CWF19L2: variants seen among roughly 807,000 people sequenced by gnomAD.
CWF19L2 encodes the protein CWF19-like protein 2.
In CWF19L2, 98 loss-of-function variants were observed where a neutral mutation model predicts 111.7. The ratio of observed to expected loss-of-function variants is 0.88; its 90% CI spans 0.75 to 1.04. CWF19L2 has a LOEUF of 1.04. Among genes scored for constraint, CWF19L2 ranks in the 50% least tolerant of loss-of-function variants. The pLI, the probability that CWF19L2 is intolerant of heterozygous loss-of-function variation, is 0.00. For synonymous variants in CWF19L2, 351 were observed against 342.9 expected, an observed-to-expected ratio of 1.02 and a Z score of -0.26; for missense variants, 1,101 against 1,051.4, an observed-to-expected ratio of 1.05 and a Z score of -0.65.
chr11:107,445,440 C>A (rs914172048), intron 3 of CWF19L2, among the ~76,000 whole-genome samples: 8 of 152,196 alleles, frequency 5.3e-5, no homozygotes, highest in Admixed American at 5.2e-4. Flanking sequence ...CCCATCTCTA[C>A]TAAAAATACA....
At chr11:107,401,254 T>C (rs564596692) in intron 10 of CWF19L2, among the ~76,000 whole-genome samples, 3 of 152,248 alleles carry the variant, frequency 2.0e-5, no homozygotes, top group South Asian at 4.1e-4. Flanking sequence ...GGCATCCAAA[T>C]TGGTAAAGAG....
chr11:107,359,636 G>A (rs764882657), intron 12 of CWF19L2, among the ~76,000 whole-genome samples: 2 of 152,126 alleles, frequency 1.3e-5, no homozygotes, highest in African/African-American at 4.8e-5. Flanking sequence ...TACAGGGCCA[G>A]GCACAGTGGT....
At chr11:107,424,174 C>T (rs188675220) in intron 8 of CWF19L2, among the ~76,000 whole-genome samples, 128 of 141,324 alleles carry the variant, frequency 9.1e-4, no homozygotes, top group East Asian at 2.0e-4. Flanking sequence ...TCTGTAGCCA[C>T]ATTTCCCTCT....
At chr11:107,372,163 T>C (rs1285015136) in intron 12 of CWF19L2, among the ~76,000 whole-genome samples, 1 of 134,228 alleles carries the variant, frequency 7.5e-6, no homozygotes, top group Non-Finnish European at 1.6e-5. Flanking sequence ...GGTGAGCCAA[T>C]CATATGAGAC....
At chr11:107,362,526 G>A (rs558925306) in intron 12 of CWF19L2, among the ~76,000 whole-genome samples, 14 of 152,122 alleles carry the variant, frequency 9.2e-5, no homozygotes, top group African/African-American at 1.7e-4. Context: ...CCTGACCCCC[G>A]AGCAGCCTAA....
chr11:107,353,461 T>A, intron 13 of CWF19L2, 63 bp downstream of exon 13: 1 of 1,219,880 alleles, frequency 8.2e-7, no homozygotes, highest in Non-Finnish European at 1.2e-6. Flanking sequence ...ATTCAAGTTA[T>A]TCTATGAAGA....
At chr11:107,449,538 C>A (rs1233004643) in intron 3 of CWF19L2, among the ~76,000 whole-genome samples, 3 of 151,832 alleles carry the variant, frequency 2.0e-5, no homozygotes, top group Non-Finnish European at 4.4e-5. Flanking sequence ...GGGTTTATAA[C>A]ATATGTAGAA....
At chr11:107,349,845 C>T (rs546950386) in intron 13 of CWF19L2, among the ~76,000 whole-genome samples, 1 of 151,878 alleles carries the variant, frequency 6.6e-6, no homozygotes, top group South Asian at 2.1e-4. Context: ...AGTAAAATCA[C>T]AAACATGTTC....
intron 12 of CWF19L2, among the ~76,000 whole-genome samples, chr11:107,376,084 T>C (rs1299103098): frequency 1.6e-5 from 2 of 127,264 alleles, no homozygotes; most frequent in Non-Finnish European, 3.3e-5. Context: ...AATCTCTGAA[T>C]AGACCAATAA....
chr11:107,331,327 T>C (rs1443070009), intron 16 of CWF19L2, among the ~76,000 whole-genome samples: 2 of 152,176 alleles, frequency 1.3e-5, no homozygotes, highest in African/African-American at 4.8e-5. Flanking sequence ...ATGAATATAC[T>C]GCCTTAGGTG....
chr11:107,329,925 A>G lies in CWF19L2; in HGVS notation c.2534T>C (p.Phe845Ser). The G allele has an allele frequency of 6.4e-7, 1 of 1,567,202 alleles. No homozygotes were observed. Among genetic ancestry groups the G allele is most frequent in the Non-Finnish European group, 8.6e-7 (1 of 1,159,990 alleles). The part of the protein sequence containing the change: ...IEDQHKFPHY[F>S]GKEIIGGMLD... ...TCAAATTTGTAAGCCTACCTTTCCA[A>G]AGTAATGAGGGAATTTGTGCTGATC... The change falls in exon 17 of 18, where the codon TTT becomes TCT. Residue 845 changes from phenylalanine to serine, a missense_variant. Phe to Ser is a radical substitution (Grantham distance 155). Coordinates refer to ENST00000282251, the MANE Select transcript of CWF19L2 (RefSeq NM_152434.3).
intron 12 of CWF19L2, among the ~76,000 whole-genome samples, chr11:107,355,979 G>A (rs914783669): frequency 4.6e-5 from 7 of 152,138 alleles, no homozygotes; most frequent in African/African-American, 1.7e-4. Context: ...GACATTCTGG[G>A]TCATAGCACA....
chr11:107,450,594 G>A (rs1241751270), intron 3 of CWF19L2, among the ~76,000 whole-genome samples: 6 of 151,660 alleles, frequency 4.0e-5, no homozygotes, highest in South Asian at 4.2e-4. Flanking sequence ...ATTGATAGGC[G>A]AGATAAAAAA....
chr11:107,454,471 ATT>A lies in CWF19L2; in HGVS notation c.316_317del (p.Asn106Ter). On this transcript the variant is annotated frameshift_variant, in exon 3 of 18. Transcript: ENST00000282251. LOFTEE classifies it high-confidence loss of function. ...TTACTGATGAGCTATCAGATGACTC[ATT>A]GTTTTTTTCATATTTCTGTTTCTTG... ...KSKKQKYEKN[N>X]ESSDSSSSSE... 1.4e-6 allele frequency: 2 copies of A among 1,447,138 alleles called. No homozygotes were observed. Among genetic ancestry groups the A allele is most frequent in the Non-Finnish European group, 1.8e-6 (2 of 1,103,788 alleles). The allele number at this position is 1,447,138 out of a possible 1,614,324, so 89.6% of individuals were successfully genotyped here.
Position 107,400,756 on chromosome 11 carries a change from T to C in CWF19L2, c.1618-7861A>G, listed in dbSNP as rs574814569. Among the ~76,000 whole-genome samples, 22 of 152,156 alleles carry C rather than the reference T, an allele frequency of 1.4e-4. No individual in the cohort carries two copies. In the East Asian group the frequency reaches 3.7e-3, roughly 25 times the overall value. On this transcript the variant is annotated intron_variant, in intron 10 of 17. Transcript: ENST00000282251. The stretch of plus-strand genomic sequence containing the variant: ...CTAATACCAAAACCAGGAAAGGACA[T>C]AGCCAAAAAAGAAAACTACAGACTG...
Position 107,334,876 on chromosome 11 carries a change from C to G in CWF19L2, c.2439+5G>C. On this transcript the variant is annotated splice_donor_5th_base_variant and intron_variant, in intron 16 of 17. Transcript: ENST00000282251. The stretch of plus-strand genomic sequence containing the variant: ...ATTTCTTTTACCAGGAAAAAACATA[C>G]TTACAGACTTTCTGATATCTTTTGA... The G allele has an allele frequency of 6.4e-7, 1 of 1,554,072 alleles. No homozygotes were observed. Among genetic ancestry groups the G allele is most frequent in the African/African-American group, 1.4e-5 (1 of 73,882 alleles).
At chr11:107,394,292 G>C (rs1237954086) in intron 10 of CWF19L2, among the ~76,000 whole-genome samples, 4 of 151,912 alleles carry the variant, frequency 2.6e-5, no homozygotes, top group African/African-American at 9.7e-5. Flanking sequence ...ATAAATAAAC[G>C]AACATTAATG....
chr11:107,373,785 G>A (rs1235233006), intron 12 of CWF19L2, among the ~76,000 whole-genome samples: 1 of 133,720 alleles, frequency 7.5e-6, no homozygotes, highest in Non-Finnish European at 1.6e-5. Context: ...ACTTTGACGA[G>A]CTGAGAGAAG....
chr11:107,345,093 T>A (rs1860059717), intron 14 of CWF19L2, among the ~76,000 whole-genome samples: 1 of 152,188 alleles, frequency 6.6e-6, no homozygotes. Context: ...ACATGCCTAG[T>A]GTTACTTGCA....
Sources: gnomAD v4.1 joint callset for allele counts (sites outside exome capture counted in the v4.1 genomes callset) on GRCh38, gnomAD v4.1.1 for gene constraint, MANE v1.5 for transcripts, NCBI Gene and HGNC (gene_info 2026-07-23, HGNC 2026-07-21) for gene names.